The following VPS53 variants were observed in gnomAD, a reference collection of about 807,000 sequenced individuals.
VPS53 encodes vacuolar protein sorting-associated protein 53 homolog.
In VPS53, 70 loss-of-function variants were observed where a neutral mutation model predicts 107.0. The observed-to-expected ratio is 0.65, with a 90% CI of 0.54 to 0.80. The LOEUF (loss-of-function observed/expected upper bound fraction) is 0.80, where lower values mean the gene tolerates loss of function less well. Ranked by LOEUF, VPS53 falls within the 30% of genes least tolerant of loss-of-function variation. The probability of loss-of-function intolerance (pLI) is 0.00; values close to 1 mark genes in which losing one functional copy is unlikely to be tolerated. For missense variants in VPS53, 917 were observed against 1,049.4 expected, an observed-to-expected ratio of 0.87 and a Z score of 1.74; for synonymous variants, 409 against 393.3, an observed-to-expected ratio of 1.04 and a Z score of -0.47.
chr17:529,869 C>CAAAA (rs59345629), intron 19 of VPS53, among the ~76,000 whole-genome samples: 1 of 122,298 alleles, frequency 8.2e-6, no homozygotes, highest in African/African-American at 2.8e-5. Flanking sequence ...CTATATCTAC[C>CAAAA]AAAAAAAAAA....
chr17:704,966 C>T (rs77184640), intron 2 of VPS53, among the ~76,000 whole-genome samples: 3,237 of 152,096 alleles, frequency 0.021, 111 homozygotes, highest in African/African-American at 0.074. Context: ...AAAGGCTTTT[C>T]GTGAAATCTC....
At chr17:533,719 T>C (rs1909783301) in intron 18 of VPS53, among the ~76,000 whole-genome samples, 1 of 152,214 alleles carries the variant, frequency 6.6e-6, no homozygotes, top group Non-Finnish European at 1.5e-5. Context: ...TACATGTCTA[T>C]TTTGCTTCAC....
intron 4 of VPS53, among the ~76,000 whole-genome samples, chr17:684,606 T>C (rs1972516307): frequency 6.6e-6 from 1 of 152,232 alleles, no homozygotes; most frequent in East Asian, 1.9e-4. Context: ...TTTAATATTG[T>C]AAAGATGTCA....
intron 13 of VPS53, among the ~76,000 whole-genome samples, chr17:584,013 T>G (rs1967189240): frequency 6.6e-6 from 1 of 151,864 alleles, no homozygotes; most frequent in Non-Finnish European, 1.5e-5. Context: ...TGTTCCCAGA[T>G]AACTTCCCTC....
intron 7 of VPS53, among the ~76,000 whole-genome samples, chr17:642,125 A>C (rs993211293): frequency 3.3e-5 from 5 of 152,140 alleles, no homozygotes; most frequent in African/African-American, 1.2e-4. Flanking sequence ...AACACCCCCA[A>C]CAGTTCCCAA....
At chr17:682,501 G>C (rs1340442415) in intron 4 of VPS53, among the ~76,000 whole-genome samples, 1 of 152,116 alleles carries the variant, frequency 6.6e-6, no homozygotes, top group Non-Finnish European at 1.5e-5. Context: ...AAGGAAGACG[G>C]GGGTGCCACA....
At chr17:562,380 G>A in intron 14 of VPS53, 123 bp downstream of exon 14, 1 of 1,385,288 alleles carries the variant, frequency 7.2e-7, no homozygotes, top group Admixed American at 2.1e-5. Flanking sequence ...CGGGAACTCA[G>A]GAAGCGTGCT....
intron 17 of VPS53, among the ~76,000 whole-genome samples, chr17:546,329 TCACACACACACACACA>T (rs71371545): frequency 1.4e-4 from 19 of 131,974 alleles, no homozygotes; most frequent in East Asian, 4.4e-4. Flanking sequence ...CTTAGATATC[TCACACACACACACACA>T]CACACACACA....
chr17:649,635 G>GC (rs1332921635), intron 7 of VPS53, among the ~76,000 whole-genome samples: 1 of 144,116 alleles, frequency 6.9e-6, no homozygotes, highest in East Asian at 2.1e-4. Flanking sequence ...GCACTGAAGA[G>GC]CTTACACTTG....
chr17:688,701 T>C (rs1220555061), intron 4 of VPS53, among the ~76,000 whole-genome samples: 1 of 152,148 alleles, frequency 6.6e-6, no homozygotes, highest in Non-Finnish European at 1.5e-5. Flanking sequence ...GTCACCGGAT[T>C]CAACTTGACA....
At chr17:634,403 TTTA>T (rs1343436346) in intron 7 of VPS53, among the ~76,000 whole-genome samples, 4 of 152,166 alleles carry the variant, frequency 2.6e-5, no homozygotes, top group African/African-American at 4.8e-5. Context: ...CTTATTTTTT[TTTA>T]TTATTATACT....
chr17:608,616 TC>T lies in VPS53; in HGVS notation c.1117-6721del, dbSNP rs1228302399. Among the ~76,000 whole-genome samples, 125 of 150,458 alleles carry T rather than the reference TC, an allele frequency of 8.3e-4. 1 individual carries two copies. The highest frequency in any genetic ancestry group is 3.4e-3 in the Middle Eastern group (1 of 290). On this transcript the variant is annotated intron_variant, in intron 11 of 21. Transcript: ENST00000437048. ...CTATTTCTGCTTTTTTCTTTTCTTT[TC>T]TTTTCTTTTTTTTTTTGAAACAGAG...
intron 6 of VPS53, 33 bp downstream of exon 6, chr17:655,805 G>A (rs765956839): frequency 1.1e-5 from 17 of 1,576,202 alleles, no homozygotes; most frequent in South Asian, 2.3e-5. Context: ...TACATTTCCC[G>A]TGGCCCCAAA....
chr17:631,960 T>G (rs1295695025), intron 7 of VPS53, among the ~76,000 whole-genome samples: 1 of 152,068 alleles, frequency 6.6e-6, no homozygotes. Flanking sequence ...ACATCAAATA[T>G]AAATCTAGCT....
intron 11 of VPS53, among the ~76,000 whole-genome samples, chr17:619,156 A>G (rs548631635): frequency 0.013 from 1,433 of 109,362 alleles, 28 homozygotes; most frequent in Admixed American, 0.062. Context: ...AATATTTCCC[A>G]GGTAGCTGGG....
intron 7 of VPS53, among the ~76,000 whole-genome samples, chr17:652,306 T>A (rs1329210543): frequency 1.3e-5 from 2 of 152,166 alleles, no homozygotes; most frequent in Non-Finnish European, 1.5e-5. Context: ...TGGCTCACTG[T>A]ATTTTCTAAA....
At chr17:542,099 T>G (rs997261245) in intron 17 of VPS53, among the ~76,000 whole-genome samples, 4 of 144,580 alleles carry the variant, frequency 2.8e-5, no homozygotes, top group East Asian at 4.2e-4. Context: ...AAGCACCTAC[T>G]ACGCACTGGG....
At chr17:571,524 C>CTCCCTACGGTCTCCCTCTCCCCT (rs1914067990) in intron 13 of VPS53, among the ~76,000 whole-genome samples, 1 of 97,650 alleles carries the variant, frequency 1.0e-5, no homozygotes, top group Non-Finnish European at 2.3e-5. Context: ...CCCTCTCCCT[C>CTCCCTACGGTCTCCCTCTCCCCT]TCCCTACGGT....
In VPS53 at chr17:653,500, A is replaced by G. The variant is rs189180981; in HGVS notation, c.489-90T>C. ...ACAACCCACGCTAGCTCTCAAACAG[A>G]TATCAACTCAGCTGAATCAACGTTC... On this transcript the variant is annotated intron_variant, in intron 6 of 21. Transcript: ENST00000437048. 507 of 1,576,962 alleles carry G rather than the reference A, an allele frequency of 3.2e-4. 1 individual carries two copies. The highest frequency in any genetic ancestry group is 8.5e-4 in the Middle Eastern group (5 of 5,900).
Sources: allele counts gnomAD v4.1 joint callset (sites outside exome capture counted in the v4.1 genomes callset), GRCh38; gene constraint gnomAD v4.1.1; transcripts MANE v1.5; gene names NCBI Gene and HGNC (gene_info 2026-07-23, HGNC 2026-07-21).